Variants in PRKG1 observed in about 807,000 individuals in gnomAD.
The protein encoded by PRKG1 is protein kinase cGMP-dependent 1.
PRKG1 carries 35 observed loss-of-function variants against 88.1 expected under a neutral mutation model. That is an observed-to-expected ratio of 0.40 (90% CI 0.30 to 0.53). The LOEUF is 0.53. Among genes scored for constraint, PRKG1 ranks in the 20% least tolerant of loss-of-function variants. PRKG1 has a pLI of 0.59. For synonymous variants in PRKG1, 303 were observed against 292.5 expected, an observed-to-expected ratio of 1.04 and a Z score of -0.37; for missense variants, 540 against 839.8, an observed-to-expected ratio of 0.64 and a Z score of 4.41.
At chr10:51,615,567 G>A (rs1024466892) in intron 3 of PRKG1, among the ~76,000 whole-genome samples, 6 of 143,966 alleles carry the variant, frequency 4.2e-5, no homozygotes, top group African/African-American at 7.7e-5. Context: ...TTTACATCTT[G>A]AGATTATTTC....
intron 5 of PRKG1, among the ~76,000 whole-genome samples, chr10:51,951,610 G>T (rs762188652): frequency 4.0e-5 from 6 of 151,892 alleles, no homozygotes; most frequent in Non-Finnish European, 7.4e-5. Context: ...ATTTTTAGAA[G>T]AATATTCTTT....
intron 3 of PRKG1, among the ~76,000 whole-genome samples, chr10:51,753,519 G>A (rs187283179): frequency 5.3e-5 from 8 of 152,010 alleles, no homozygotes; most frequent in East Asian, 3.9e-4. Flanking sequence ...TGAATTTCTC[G>A]CAATACAATT....
At chr10:51,071,459 C>A (rs1474428688), upstream of PRKG1, among the ~76,000 whole-genome samples, 1 of 152,014 alleles carries the variant, frequency 6.6e-6, no homozygotes, top group African/African-American at 2.4e-5. Flanking sequence ...CCTTGAACAC[C>A]TTTTAAAGTC....
chr10:51,549,055 T>C (rs1253566602), intron 3 of PRKG1, among the ~76,000 whole-genome samples: 1 of 151,978 alleles, frequency 6.6e-6, no homozygotes, highest in African/African-American at 2.4e-5. Context: ...GTGGTTCTTT[T>C]TGTCCTTCAG....
upstream of PRKG1, among the ~76,000 whole-genome samples, chr10:51,073,977 A>G (rs544875715): frequency 1.3e-5 from 2 of 152,062 alleles, no homozygotes; most frequent in Non-Finnish European, 2.9e-5. Context: ...AGAGTCCCCT[A>G]TGCCTCGTAC....
intron 1 of PRKG1, among the ~76,000 whole-genome samples, chr10:51,098,214 A>G (rs943019169): frequency 1.3e-5 from 2 of 152,102 alleles, no homozygotes; most frequent in Admixed American, 1.3e-4. Flanking sequence ...TTCAGGCTTT[A>G]CCACTTTCTA....
intron 7 of PRKG1, among the ~76,000 whole-genome samples, chr10:52,132,966 TAA>T (rs1274210097): frequency 1.3e-5 from 2 of 152,086 alleles, no homozygotes; most frequent in Non-Finnish European, 2.9e-5. Flanking sequence ...TCAATTACAT[TAA>T]GTTATTTAAA....
intron 7 of PRKG1, among the ~76,000 whole-genome samples, chr10:52,116,525 G>T (rs1264913294): frequency 6.6e-6 from 1 of 151,886 alleles, no homozygotes; most frequent in Non-Finnish European, 1.5e-5. Flanking sequence ...TGAAATCCTT[G>T]CTTGCACTTC....
intron 3 of PRKG1, among the ~76,000 whole-genome samples, chr10:51,773,217 CA>C (rs1302211296): frequency 6.6e-6 from 1 of 152,028 alleles, no homozygotes; most frequent in Non-Finnish European, 1.5e-5. Context: ...CTTTCTCCAA[CA>C]TTTTTTCTCA....
At chr10:51,091,913 C>T (rs919434471) in intron 1 of PRKG1, among the ~76,000 whole-genome samples, 3 of 152,154 alleles carry the variant, frequency 2.0e-5, no homozygotes, top group African/African-American at 7.2e-5. Context: ...CTGTTGCTGC[C>T]TGTGCCTATA....
At chr10:51,181,224 ATTTTT>A (rs1223588085) in intron 2 of PRKG1, among the ~76,000 whole-genome samples, 34 of 78,282 alleles carry the variant, frequency 4.3e-4, no homozygotes, top group African/African-American at 1.6e-3. Flanking sequence ...ATTATATAGA[ATTTTT>A]TTTTTTTTTT....
At chr10:51,190,908 G>C (rs1432738353) in intron 2 of PRKG1, among the ~76,000 whole-genome samples, 1 of 151,804 alleles carries the variant, frequency 6.6e-6, no homozygotes, top group East Asian at 1.9e-4. Context: ...CTCTACTATG[G>C]AGCCAGACAT....
intron 3 of PRKG1, among the ~76,000 whole-genome samples, chr10:51,590,100 A>T (rs1334749012): frequency 6.6e-6 from 1 of 152,118 alleles, no homozygotes; most frequent in East Asian, 1.9e-4. Context: ...CAAAAACAAG[A>T]TTTTTTTCTC....
At position 51,848,851 on chromosome 10, in the gene PRKG1, A is replaced by AT. The variant is rs752886518; in HGVS notation, c.698+44177dup. Among the ~76,000 whole-genome samples the AT allele has an allele frequency of 5.7e-3, 748 of 131,444 alleles. 1 individual carries two copies. The highest frequency in any genetic ancestry group is 7.1e-3 in the East Asian group (30 of 4,212). 86.2% of individuals were successfully genotyped at this position (131,444 alleles called of 152,430 possible). On this transcript the variant is annotated intron_variant, in intron 4 of 17. Coordinates refer to ENST00000373980, the MANE Select transcript of PRKG1 (RefSeq NM_006258.4). ...CAAAGAGTCTATGGTTTGCGTTTCT[A>AT]TTTTTTTTTTTTTTTTAACACTTTC... is the stretch of plus-strand genomic sequence containing the variant.
chr10:52,207,357 G>T (rs528326040), intron 9 of PRKG1, among the ~76,000 whole-genome samples: 12 of 152,228 alleles, frequency 7.9e-5, no homozygotes, highest in African/African-American at 2.6e-4. Flanking sequence ...AAGCACCCTG[G>T]TTGGGCATCC....
At chr10:51,522,721 T>C (rs1424150630) in intron 3 of PRKG1, among the ~76,000 whole-genome samples, 1 of 152,162 alleles carries the variant, frequency 6.6e-6, no homozygotes, top group Admixed American at 6.5e-5. Flanking sequence ...TTTAGCCTCA[T>C]CTCCAAACAA....
intron 3 of PRKG1, among the ~76,000 whole-genome samples, chr10:51,536,772 G>C (rs1376827752): frequency 6.6e-6 from 1 of 151,116 alleles, no homozygotes; most frequent in African/African-American, 2.4e-5. Flanking sequence ...TTAGCATTAG[G>C]TATATCTCCT....
In PRKG1 at chr10:52,127,626, T is replaced by C. The variant is rs572931432; in HGVS notation, c.936-6214T>C. Reference sequence around the variant, plus strand: ...GGGAAGGGGACTACTAGAGACAAAGTATATAAAAAGGGGTCACATGCTTCC... The same window carrying C: ...GGGAAGGGGACTACTAGAGACAAAGCATATAAAAAGGGGTCACATGCTTCC... On this transcript the variant is annotated intron_variant, in intron 7 of 17. Coordinates refer to ENST00000373980, the MANE Select transcript of PRKG1 (RefSeq NM_006258.4). Among the ~76,000 whole-genome samples, 99 of 152,200 alleles carry C rather than the reference T, an allele frequency of 6.5e-4. 1 individual carries two copies. Among genetic ancestry groups the C allele is most frequent in the Admixed American group, 1.2e-3 (19 of 15,268 alleles).
At chr10:52,039,600 A>G (rs1336477412) in intron 5 of PRKG1, among the ~76,000 whole-genome samples, 1 of 152,114 alleles carries the variant, frequency 6.6e-6, no homozygotes, top group African/African-American at 2.4e-5. Flanking sequence ...GTTAGTACGT[A>G]TCCTCTGCTA....
Sources: gnomAD v4.1 joint callset for allele counts (sites outside exome capture counted in the v4.1 genomes callset) on GRCh38, gnomAD v4.1.1 for gene constraint, MANE v1.5 for transcripts, NCBI Gene and HGNC (gene_info 2026-07-23, HGNC 2026-07-21) for gene names.